The following CA10 variants were observed in gnomAD, a reference collection of about 807,000 sequenced individuals.
CA10 encodes the protein carbonic anhydrase 10 (inactive).
A neutral mutation model predicts 44.2 loss-of-function variants in CA10; 14 were observed. That is an observed-to-expected ratio of 0.32 (90% CI 0.21 to 0.50). The LOEUF (loss-of-function observed/expected upper bound fraction) is 0.50. CA10 is among the 20% of genes least tolerant of loss of function. The probability of loss-of-function intolerance (pLI) is 0.99; values close to 1 mark genes in which losing one functional copy is unlikely to be tolerated. For missense variants in CA10, 350 were observed against 409.7 expected, an observed-to-expected ratio of 0.85 and a Z score of 1.26; for synonymous variants, 159 against 141.6, an observed-to-expected ratio of 1.12 and a Z score of -0.87.
At chr17:51,686,686 C>T (rs1014061707) in intron 4 of CA10, among the ~76,000 whole-genome samples, 1 of 152,178 alleles carries the variant, frequency 6.6e-6, no homozygotes, top group Non-Finnish European at 1.5e-5. Context: ...CACTTAATCT[C>T]TCCACTTGGA....
intron 4 of CA10, among the ~76,000 whole-genome samples, chr17:51,692,169 C>A (rs991679616): frequency 2.7e-5 from 4 of 147,168 alleles, no homozygotes; most frequent in East Asian, 2.0e-4. Context: ...TCTTCAATTT[C>A]TTTTCTTAGT....
At chr17:51,689,009 C>T (rs527851338) in intron 4 of CA10, among the ~76,000 whole-genome samples, 28 of 152,194 alleles carry the variant, frequency 1.8e-4, no homozygotes, top group Middle Eastern at 3.4e-3. Context: ...TAAGGGGTAA[C>T]GGAGGCACAG....
chr17:51,963,857 T>C (rs1567902327), intron 2 of CA10, among the ~76,000 whole-genome samples: 1 of 152,026 alleles, frequency 6.6e-6, no homozygotes, highest in South Asian at 2.1e-4. Context: ...AACCAAACAA[T>C]AGAAACTATA....
chr17:51,892,564 G>A (rs1228710983), intron 3 of CA10, among the ~76,000 whole-genome samples: 1 of 152,126 alleles, frequency 6.6e-6, no homozygotes, highest in Non-Finnish European at 1.5e-5. Flanking sequence ...TGGCAGAAAT[G>A]TATAAAATGA....
chr17:52,006,471 A>G (rs1411954936), intron 2 of CA10, among the ~76,000 whole-genome samples: 3 of 151,882 alleles, frequency 2.0e-5, no homozygotes, highest in Admixed American at 6.6e-5. Context: ...CTTTGTGAGA[A>G]AAAGGCAAAT....
At chr17:51,850,386 C>G (rs1291747458) in intron 3 of CA10, among the ~76,000 whole-genome samples, 2 of 152,310 alleles carry the variant, frequency 1.3e-5, no homozygotes, top group African/African-American at 4.8e-5. Context: ...AACAAGTACA[C>G]TCGCCACCTA....
At chr17:51,855,256 C>T (rs1978988106) in intron 3 of CA10, among the ~76,000 whole-genome samples, 1 of 152,078 alleles carries the variant, frequency 6.6e-6, no homozygotes, top group African/African-American at 2.4e-5. Flanking sequence ...AGTGCCTGGT[C>T]CACAATGAGC....
intron 1 of CA10, among the ~76,000 whole-genome samples, chr17:52,098,438 G>T (rs1988457455): frequency 6.6e-6 from 1 of 152,160 alleles, no homozygotes; most frequent in Non-Finnish European, 1.5e-5. Flanking sequence ...GGTATTTGCA[G>T]CTTAAAATGT....
At chr17:51,896,127 A>G (rs1029567196) in intron 3 of CA10, among the ~76,000 whole-genome samples, 48 of 152,068 alleles carry the variant, frequency 3.2e-4, no homozygotes, top group African/African-American at 1.1e-3. Flanking sequence ...GTACATGTGC[A>G]GGTTTGGTAT....
rs188949133 is a variant in CA10, at chr17:51,958,729, G to A, written c.137-27597C>T. On this transcript the variant is annotated intron_variant, in intron 2 of 8. Transcript: ENST00000451037. ...ATTATTTTAAAACTCAAACATATCAGGCTAAAATATTCATGATGTAAAAAC... is the reference window on the plus strand; with the variant it reads ...ATTATTTTAAAACTCAAACATATCAAGCTAAAATATTCATGATGTAAAAAC... Among the ~76,000 whole-genome samples the A allele has an allele frequency of 1.2e-4, 19 of 152,138 alleles. No homozygotes were observed. In the East Asian group the frequency reaches 3.7e-3, roughly 29 times the overall value.
intron 1 of CA10, among the ~76,000 whole-genome samples, chr17:52,112,782 G>A (rs1030076954): frequency 6.6e-6 from 1 of 152,078 alleles, no homozygotes; most frequent in Non-Finnish European, 1.5e-5. Flanking sequence ...CTCCCCATAC[G>A]CATTGTTGGC....
At chr17:52,079,176 C>T (rs563765862) in intron 1 of CA10, among the ~76,000 whole-genome samples, 5 of 152,272 alleles carry the variant, frequency 3.3e-5, no homozygotes, top group African/African-American at 9.6e-5. Context: ...GTCCCAGCTA[C>T]TCGGGAGGCC....
intron 2 of CA10, among the ~76,000 whole-genome samples, chr17:51,984,261 G>A (rs922671512): frequency 2.0e-5 from 3 of 151,632 alleles, no homozygotes; most frequent in African/African-American, 7.3e-5. Context: ...TGCTCCTTTT[G>A]GGTCAAAAAC....
intron 3 of CA10, among the ~76,000 whole-genome samples, chr17:51,785,467 A>T (rs186329910): frequency 6.6e-6 from 1 of 152,214 alleles, no homozygotes; most frequent in Non-Finnish European, 1.5e-5. Flanking sequence ...CTACAGTGAG[A>T]TATCATCTCA....
At chr17:51,907,988 A>G (rs1981631103) in intron 3 of CA10, among the ~76,000 whole-genome samples, 1 of 152,160 alleles carries the variant, frequency 6.6e-6, no homozygotes, top group Non-Finnish European at 1.5e-5. Flanking sequence ...CAGAGCCTAA[A>G]ACAGTGCCTG....
At chr17:51,879,039 A>C in intron 3 of CA10, among the ~76,000 whole-genome samples, 1 of 151,174 alleles carries the variant, frequency 6.6e-6, no homozygotes. Flanking sequence ...TTTTTAAATA[A>C]AAACATATAC....
intron 4 of CA10, among the ~76,000 whole-genome samples, chr17:51,722,726 A>G (rs1916386881): frequency 6.6e-6 from 1 of 152,224 alleles, no homozygotes; most frequent in Admixed American, 6.5e-5. Context: ...GAATCTCAGA[A>G]AGACAGACTA....
chr17:51,849,156 CATATATGTAT>C (rs1302979985), intron 3 of CA10, among the ~76,000 whole-genome samples: 2 of 102,242 alleles, frequency 2.0e-5, no homozygotes, highest in African/African-American at 6.9e-5. Context: ...TATATATATA[CATATATGTAT>C]ATATATATAC....
At position 51,931,187 on chromosome 17, in the gene CA10, C is replaced by T. The variant is rs1183437437; in HGVS notation, c.137-55G>A. 16 of 1,544,858 alleles carry T rather than the reference C, an allele frequency of 1.0e-5. No individual in the cohort carries two copies. The Admixed American group carries it at 2.2e-4, about 22-fold the overall frequency. On this transcript the variant is annotated intron_variant, in intron 2 of 8. Coordinates refer to ENST00000451037, the MANE Select transcript of CA10 (RefSeq NM_020178.5). ...GCTGAGTAGCAGGTTGGGGAAACAA[C>T]ATAAATAAACAGAGCTATGTACAAA...
Sources: allele counts gnomAD v4.1 joint callset (sites outside exome capture counted in the v4.1 genomes callset), GRCh38; gene constraint gnomAD v4.1.1; transcripts MANE v1.5; gene names NCBI Gene and HGNC (gene_info 2026-07-23, HGNC 2026-07-21).